ADARB2: variants seen among roughly 807,000 people sequenced by gnomAD.
ADARB2 encodes inactive double-stranded RNA-specific editase B2.
ADARB2 carries 25 observed loss-of-function variants against 62.2 expected under a neutral mutation model. The observed-to-expected ratio is 0.40, with a 90% CI of 0.29 to 0.56. ADARB2 has a LOEUF of 0.56. Among genes scored for constraint, ADARB2 ranks in the 20% least tolerant of loss-of-function variants. ADARB2 has a pLI of 0.43. For synonymous variants in ADARB2, 572 were observed against 500.8 expected (o/e 1.14, Z -1.90); for missense variants, 1,071 against 1,077.4 (o/e 0.99, Z 0.08).
intron 1 of ADARB2, among the ~76,000 whole-genome samples, chr10:1,442,978 G>A (rs1249096373): frequency 2.0e-5 from 3 of 152,114 alleles, no homozygotes; most frequent in Non-Finnish European, 4.4e-5. Context: ...AAATGAGATG[G>A]GACAAGAGCA....
intron 3 of ADARB2, among the ~76,000 whole-genome samples, chr10:1,283,803 T>G (rs1831390002): frequency 6.6e-6 from 1 of 152,204 alleles, no homozygotes; most frequent in African/African-American, 2.4e-5. Context: ...GGGTAGGGAC[T>G]GGGAGTGGGG....
intron 1 of ADARB2, among the ~76,000 whole-genome samples, chr10:1,636,828 TATATAAC>T (rs1833922814): frequency 6.7e-6 from 1 of 148,362 alleles, no homozygotes; most frequent in South Asian, 2.1e-4. Flanking sequence ...TGTCATATAT[TATATAAC>T]ATATATCACA....
At chr10:1,515,817 A>G (rs1832001822) in intron 1 of ADARB2, among the ~76,000 whole-genome samples, 1 of 152,238 alleles carries the variant, frequency 6.6e-6, no homozygotes, top group Non-Finnish European at 1.5e-5. Flanking sequence ...CAATGATGCT[A>G]TTCTCACTCA....
intron 1 of ADARB2, among the ~76,000 whole-genome samples, chr10:1,609,820 G>A (rs376028289): frequency 6.6e-6 from 1 of 152,190 alleles, no homozygotes; most frequent in Admixed American, 6.5e-5. Context: ...CACGCGTAGC[G>A]TTAGCAAATC....
chr10:1,388,949 G>C (rs1832547021), intron 1 of ADARB2, among the ~76,000 whole-genome samples: 1 of 152,186 alleles, frequency 6.6e-6, no homozygotes. Flanking sequence ...CGTAAGGCTA[G>C]ATAAATACCA....
chr10:1,673,933 TAAAG>T (rs921777108), intron 1 of ADARB2, among the ~76,000 whole-genome samples: 1 of 152,230 alleles, frequency 6.6e-6, no homozygotes, highest in African/African-American at 2.4e-5. Context: ...TGCTTCATAT[TAAAG>T]AAAGGTTATT....
chr10:1,515,133 TAAC>T (rs1311030225), intron 1 of ADARB2, among the ~76,000 whole-genome samples: 1 of 152,002 alleles, frequency 6.6e-6, no homozygotes, highest in African/African-American at 2.4e-5. Context: ...GCAACATCAT[TAAC>T]AAAAAAAGAA....
chr10:1,645,469 T>C (rs918173263), intron 1 of ADARB2, among the ~76,000 whole-genome samples: 1 of 152,162 alleles, frequency 6.6e-6, no homozygotes, highest in African/African-American at 2.4e-5. Flanking sequence ...ACTTTGTTAC[T>C]TCCACATAAA....
intron 1 of ADARB2, among the ~76,000 whole-genome samples, chr10:1,717,598 G>A (rs1421841334): frequency 8.3e-6 from 1 of 120,482 alleles, no homozygotes; most frequent in Non-Finnish European, 1.7e-5. Flanking sequence ...TTCTTTTTTT[G>A]AGACAGTCTC....
intron 1 of ADARB2, among the ~76,000 whole-genome samples, chr10:1,405,375 A>G (rs1277328838): frequency 6.6e-6 from 1 of 152,180 alleles, no homozygotes; most frequent in African/African-American, 2.4e-5. Flanking sequence ...CGCCTCCACA[A>G]AATGAGAGAT....
chr10:1,732,412 G>C (rs1835246134), intron 1 of ADARB2, among the ~76,000 whole-genome samples: 1 of 151,796 alleles, frequency 6.6e-6, no homozygotes. Flanking sequence ...TTTAGATATG[G>C]ATACACGAAT....
At chr10:1,325,845 C>T (rs1831839878) in intron 3 of ADARB2, among the ~76,000 whole-genome samples, 1 of 152,158 alleles carries the variant, frequency 6.6e-6, no homozygotes, top group Non-Finnish European at 1.5e-5. Context: ...TTAGAATATC[C>T]GCACCTGAGA....
chr10:1,277,432 G>A (rs1204376751), intron 3 of ADARB2, among the ~76,000 whole-genome samples: 3 of 152,128 alleles, frequency 2.0e-5, no homozygotes, highest in East Asian at 3.9e-4. Context: ...ATCACCACCA[G>A]TCCCACAGAA....
In ADARB2 at chr10:1,510,106, T is replaced by TTC. The variant is rs879666484; in HGVS notation, c.101-130948_101-130947dup. On this transcript the variant is annotated intron_variant, in intron 1 of 9. Coordinates refer to ENST00000381312, the MANE Select transcript of ADARB2 (RefSeq NM_018702.4). ...TTCTCTCTCTCTCTCTTTTCTTTCT[T>TTC]TCTCTCTTTCTTTCTTTCTTTCTTT... Among the ~76,000 whole-genome samples, 25 of 125,736 alleles carry TTC rather than the reference T, an allele frequency of 2.0e-4. 1 individual carries two copies. The highest frequency in any genetic ancestry group is 2.8e-4 in the South Asian group (1 of 3,602). The allele number at this position is 125,736 out of a possible 152,430, so 82.5% of individuals were successfully genotyped here. A position where few individuals can be genotyped will look rare whatever the true frequency, so the allele number is the denominator to read the frequency against.
chr10:1,736,157 A>G (rs1198663454), intron 1 of ADARB2, among the ~76,000 whole-genome samples: 1 of 152,248 alleles, frequency 6.6e-6, no homozygotes, highest in Non-Finnish European at 1.5e-5. Flanking sequence ...GGAACTGACA[A>G]TAACACAGGT....
At chr10:1,373,793 C>A (rs1444829349) in intron 2 of ADARB2, among the ~76,000 whole-genome samples, 2 of 84,580 alleles carry the variant, frequency 2.4e-5, no homozygotes, top group African/African-American at 7.6e-5. Context: ...GTGGACTCCG[C>A]GCACCTTTCC....
chr10:1,420,282 T>C (rs1260241090), intron 1 of ADARB2, among the ~76,000 whole-genome samples: 2 of 152,234 alleles, frequency 1.3e-5, no homozygotes, highest in African/African-American at 4.8e-5. Flanking sequence ...ACTTTGTAAG[T>C]ATTTTTACAT....
intron 1 of ADARB2, among the ~76,000 whole-genome samples, chr10:1,621,298 A>T (rs903697468): frequency 1.3e-5 from 2 of 152,254 alleles, no homozygotes; most frequent in Non-Finnish European, 2.9e-5. Flanking sequence ...GTATAAACAT[A>T]TCAATCGTCT....
At chr10:1,479,351 C>T (rs1372047602) in intron 1 of ADARB2, among the ~76,000 whole-genome samples, 1 of 152,182 alleles carries the variant, frequency 6.6e-6, no homozygotes, top group African/African-American at 2.4e-5. Flanking sequence ...TCACCCATGA[C>T]ACGTGAATGA....
Sources: gnomAD v4.1 joint callset for allele counts (sites outside exome capture counted in the v4.1 genomes callset) on GRCh38, gnomAD v4.1.1 for gene constraint, MANE v1.5 for transcripts, NCBI Gene and HGNC (gene_info 2026-07-23, HGNC 2026-07-21) for gene names.